Variants in NPAS3 observed in about 807,000 individuals in gnomAD.
The protein encoded by NPAS3 is neuronal PAS domain-containing protein 3.
A neutral mutation model predicts 73.1 loss-of-function variants in NPAS3; 14 were observed. The observed-to-expected ratio is 0.19, with a 90% CI of 0.13 to 0.30. The LOEUF is 0.30. Ranked by LOEUF, NPAS3 falls within the 10% of genes least tolerant of loss-of-function variation. NPAS3 has a pLI of 1.00. For missense variants in NPAS3, 1,096 were observed against 1,250.0 expected, an observed-to-expected ratio of 0.88 and a Z score of 1.86; for synonymous variants, 620 against 541.5, an observed-to-expected ratio of 1.14 and a Z score of -2.01.
At chr14:33,322,342 A>C (rs181276747) in intron 3 of NPAS3, among the ~76,000 whole-genome samples, 423 of 152,274 alleles carry the variant, frequency 2.8e-3, no homozygotes, top group Non-Finnish European at 4.9e-3. Flanking sequence ...GAATTGTAGA[A>C]GGTTTAATTG....
At chr14:33,460,151 T>C (rs2050195759) in intron 4 of NPAS3, among the ~76,000 whole-genome samples, 1 of 152,234 alleles carries the variant, frequency 6.6e-6, no homozygotes, top group Non-Finnish European at 1.5e-5. Context: ...CATACTGTTT[T>C]TTATTTTCTT....
chr14:33,646,549 T>C (rs2058834415), intron 5 of NPAS3, among the ~76,000 whole-genome samples: 1 of 152,206 alleles, frequency 6.6e-6, no homozygotes, highest in Non-Finnish European at 1.5e-5. Flanking sequence ...AGAAATAAGA[T>C]TCATGCACTC....
chr14:33,331,271 A>G (rs953318587), intron 3 of NPAS3, among the ~76,000 whole-genome samples: 5 of 152,174 alleles, frequency 3.3e-5, no homozygotes, highest in African/African-American at 9.7e-5. Context: ...CTTAAAGGAA[A>G]TTATTTTGGA....
intron 4 of NPAS3, among the ~76,000 whole-genome samples, chr14:33,423,274 C>T (rs1208381633): frequency 6.6e-6 from 1 of 151,994 alleles, no homozygotes; most frequent in African/African-American, 2.4e-5. Context: ...TCCCTGCTGA[C>T]AGTAGACTTT....
intron 7 of NPAS3, among the ~76,000 whole-genome samples, chr14:33,766,170 C>T (rs777450630): frequency 3.3e-5 from 5 of 152,196 alleles, no homozygotes; most frequent in South Asian, 2.1e-4. Flanking sequence ...CCCATGTTCA[C>T]ATGCATACGT....
At chr14:33,034,609 A>T (rs2040101976) in intron 1 of NPAS3, among the ~76,000 whole-genome samples, 1 of 152,066 alleles carries the variant, frequency 6.6e-6, no homozygotes, top group Non-Finnish European at 1.5e-5. Context: ...AATAGAAAAT[A>T]GAATATATTT....
chr14:33,624,943 G>C (rs994713545), intron 5 of NPAS3, among the ~76,000 whole-genome samples: 1 of 152,224 alleles, frequency 6.6e-6, no homozygotes, highest in African/African-American at 2.4e-5. Flanking sequence ...AATACAGCCA[G>C]AACTTGGATA....
chr14:33,405,435 T>C (rs2047623858), intron 4 of NPAS3, among the ~76,000 whole-genome samples: 1 of 152,112 alleles, frequency 6.6e-6, no homozygotes, highest in Admixed American at 6.6e-5. Context: ...TTCTCCCATA[T>C]TTTGACTAAT....
upstream of NPAS3, among the ~76,000 whole-genome samples, chr14:32,938,527 G>GA (rs1169574815): frequency 1.4e-4 from 10 of 71,262 alleles, no homozygotes; most frequent in African/African-American, 6.5e-4. Flanking sequence ...GAGAGAGAAG[G>GA]GGGGGGAGGT....
chr14:33,543,552 G>T (rs1174338322), intron 4 of NPAS3, among the ~76,000 whole-genome samples: 2 of 150,844 alleles, frequency 1.3e-5, no homozygotes, highest in East Asian at 2.0e-4. Context: ...AGTGGCCCAG[G>T]AGTCACCCTT....
intron 4 of NPAS3, among the ~76,000 whole-genome samples, chr14:33,385,305 C>T (rs1462326886): frequency 6.6e-6 from 1 of 152,084 alleles, no homozygotes. Flanking sequence ...GCCACAGAAT[C>T]AGAAAAACAG....
At chr14:33,572,354 C>T (rs778401205) in intron 5 of NPAS3, among the ~76,000 whole-genome samples, 3 of 152,066 alleles carry the variant, frequency 2.0e-5, no homozygotes, top group Non-Finnish European at 4.4e-5. Context: ...TTGGAAGAAG[C>T]CCAAGCAGGT....
chr14:33,350,908 A>G (rs1038915069), intron 3 of NPAS3, among the ~76,000 whole-genome samples: 1 of 152,204 alleles, frequency 6.6e-6, no homozygotes, highest in Admixed American at 6.5e-5. Flanking sequence ...CACTGGCACA[A>G]ATCAGGTGAA....
intron 4 of NPAS3, among the ~76,000 whole-genome samples, chr14:33,367,887 G>T (rs1344348121): frequency 6.6e-6 from 1 of 152,140 alleles, no homozygotes; most frequent in African/African-American, 2.4e-5. Context: ...TAGCCCGAGA[G>T]AAAATTCATT....
At chr14:32,975,860 CGT>C (rs71118522) in intron 1 of NPAS3, among the ~76,000 whole-genome samples, 28,161 of 145,352 alleles carry the variant, frequency 0.19, 2,987 homozygotes, top group African/African-American at 0.27. Context: ...TGGTGAGGGG[CGT>C]GTGTGTGTGT....
chr14:33,675,857 C>G (rs1382832069), intron 5 of NPAS3, among the ~76,000 whole-genome samples: 2 of 152,046 alleles, frequency 1.3e-5, no homozygotes, highest in African/African-American at 4.8e-5. Flanking sequence ...AGAATTCAGT[C>G]AATCATGTGG....
intron 3 of NPAS3, among the ~76,000 whole-genome samples, chr14:33,362,071 T>C (rs770380696): frequency 5.9e-5 from 9 of 152,288 alleles, no homozygotes; most frequent in African/African-American, 1.7e-4. Flanking sequence ...TATGTATATA[T>C]ACATATTGCA....
At chr14:33,475,989 A>G (rs768379987) in intron 4 of NPAS3, among the ~76,000 whole-genome samples, 1 of 152,172 alleles carries the variant, frequency 6.6e-6, no homozygotes, top group Non-Finnish European at 1.5e-5. Flanking sequence ...AAACTACGTG[A>G]TTTACTAGTA....
intron 1 of NPAS3, among the ~76,000 whole-genome samples, chr14:32,947,638 A>C (rs2036316573): frequency 6.6e-6 from 1 of 152,130 alleles, no homozygotes; most frequent in Non-Finnish European, 1.5e-5. Flanking sequence ...TATGTATGAG[A>C]TATACCATGT....
Sources: allele counts gnomAD v4.1 joint callset (sites outside exome capture counted in the v4.1 genomes callset), GRCh38; gene constraint gnomAD v4.1.1; transcripts MANE v1.5; gene names NCBI Gene and HGNC (gene_info 2026-07-23, HGNC 2026-07-21).